Variants in XKR6 observed in about 807,000 individuals in gnomAD.
XKR6 encodes the protein XK related 6.
In XKR6, 22 loss-of-function variants were observed where a neutral mutation model predicts 56.7. The ratio of observed to expected loss-of-function variants is 0.39; its 90% CI spans 0.28 to 0.55. The LOEUF is 0.55. Among genes scored for constraint, XKR6 ranks in the 20% least tolerant of loss-of-function variants. The pLI is 0.66. For synonymous variants in XKR6, 524 were observed against 387.8 expected (o/e 1.35, Z -4.13); for missense variants, 852 against 889.0 (o/e 0.96, Z 0.53).
At chr8:10,992,120 T>C (rs1798007146) in intron 1 of XKR6, among the ~76,000 whole-genome samples, 2 of 152,192 alleles carry the variant, frequency 1.3e-5, no homozygotes, top group African/African-American at 4.8e-5. Flanking sequence ...GGGATGGAAA[T>C]CTATAAATAG....
chr8:11,155,943 C>T (rs1425030071), intron 1 of XKR6, among the ~76,000 whole-genome samples: 5 of 152,170 alleles, frequency 3.3e-5, no homozygotes, highest in Admixed American at 6.6e-5. Flanking sequence ...ATGAAGGAGG[C>T]GCCTATTCTG....
At chr8:11,027,909 C>A (rs928864891) in intron 1 of XKR6, among the ~76,000 whole-genome samples, 2 of 152,274 alleles carry the variant, frequency 1.3e-5, no homozygotes, top group African/African-American at 4.8e-5. Context: ...ATCAACATCC[C>A]ACCCCTCCAG....
intron 1 of XKR6, among the ~76,000 whole-genome samples, chr8:11,150,907 T>C (rs1368277739): frequency 6.6e-6 from 1 of 152,070 alleles, no homozygotes; most frequent in African/African-American, 2.4e-5. Context: ...AGTTATTTTT[T>C]TCTCCTCTTT....
At chr8:11,121,191 T>A (rs1194192251) in intron 1 of XKR6, among the ~76,000 whole-genome samples, 1 of 152,118 alleles carries the variant, frequency 6.6e-6, no homozygotes, top group Non-Finnish European at 1.5e-5. Context: ...ACAAATGGGA[T>A]CTGTTTAAAC....
intron 1 of XKR6, chr8:11,114,128 C>A (rs938352184): frequency 2.1e-5 from 9 of 426,880 alleles, no homozygotes; most frequent in African/African-American, 1.7e-4. Context: ...AACAAATGAG[C>A]ATGGAATGAA....
chr8:11,073,323 T>C (rs1049748440), intron 1 of XKR6, among the ~76,000 whole-genome samples: 4 of 152,128 alleles, frequency 2.6e-5, no homozygotes, highest in African/African-American at 4.8e-5. Flanking sequence ...GTCACCTATG[T>C]GCTAGGAACT....
At chr8:11,101,807 T>C (rs1338821180) in intron 1 of XKR6, among the ~76,000 whole-genome samples, 1 of 152,180 alleles carries the variant, frequency 6.6e-6, no homozygotes, top group East Asian at 1.9e-4. Context: ...TGTGGGTTTA[T>C]CTCGGCCTGG....
intron 1 of XKR6, chr8:11,129,185 G>A (rs1279430551): frequency 5.7e-6 from 2 of 352,476 alleles, no homozygotes; most frequent in South Asian, 2.2e-5. Context: ...AGAGGTGATG[G>A]TTGCTCAACA....
intron 1 of XKR6, among the ~76,000 whole-genome samples, chr8:10,968,640 G>C (rs191515046): frequency 5.3e-4 from 80 of 152,338 alleles, no homozygotes; most frequent in African/African-American, 1.9e-3. Context: ...CTTCTCCCCA[G>C]TTGTCAGCTC....
At chr8:10,923,255 G>T (rs1254648927) in intron 2 of XKR6, among the ~76,000 whole-genome samples, 1 of 152,204 alleles carries the variant, frequency 6.6e-6, no homozygotes, top group African/African-American at 2.4e-5. Context: ...CCATTCCAAG[G>T]GTCACACGGC....
intron 1 of XKR6, among the ~76,000 whole-genome samples, chr8:11,064,378 C>G (rs575343980): frequency 5.3e-5 from 8 of 152,296 alleles, no homozygotes; most frequent in African/African-American, 1.9e-4. Context: ...CCTGACTCTT[C>G]TACCCCTCGT....
intron 1 of XKR6, among the ~76,000 whole-genome samples, chr8:11,029,484 G>C (rs115522629): frequency 1.3e-5 from 2 of 152,172 alleles, no homozygotes; most frequent in African/African-American, 4.8e-5. Context: ...CTTATAAACA[G>C]AAGTGCATGA....
chr8:11,091,848 C>T (rs893096388), intron 1 of XKR6, among the ~76,000 whole-genome samples: 5 of 152,236 alleles, frequency 3.3e-5, no homozygotes, highest in African/African-American at 1.2e-4. Flanking sequence ...CTCTCATACT[C>T]ACTTTTCCTC....
chr8:11,035,733 C>T (rs767601404), intron 1 of XKR6, among the ~76,000 whole-genome samples: 2 of 152,158 alleles, frequency 1.3e-5, no homozygotes, highest in Non-Finnish European at 1.5e-5. Flanking sequence ...TCCATCATCC[C>T]TGTGAGGAGG....
At chr8:10,965,651 G>A (rs1243773265) in intron 1 of XKR6, among the ~76,000 whole-genome samples, 1 of 152,236 alleles carries the variant, frequency 6.6e-6, no homozygotes, top group African/African-American at 2.4e-5. Context: ...GGAGAATGAA[G>A]GCTTGGTGCC....
chr8:11,104,218 G>C (rs1798589565), intron 1 of XKR6, among the ~76,000 whole-genome samples: 1 of 152,216 alleles, frequency 6.6e-6, no homozygotes, highest in African/African-American at 2.4e-5. Context: ...GCAAGATCCT[G>C]GGAAATAAAA....
At chr8:11,126,566 CA>C (rs370655303) in intron 1 of XKR6, among the ~76,000 whole-genome samples, 11 of 152,230 alleles carry the variant, frequency 7.2e-5, no homozygotes, top group African/African-American at 2.4e-4. Context: ...CTTTGCAACG[CA>C]GGGCCATGTC....
intron 1 of XKR6, among the ~76,000 whole-genome samples, chr8:11,000,737 G>A (rs909258256): frequency 3.5e-4 from 54 of 152,218 alleles, no homozygotes; most frequent in African/African-American, 1.3e-3. Flanking sequence ...GGGGTCTCAT[G>A]ATTCTACACG....
intron 1 of XKR6, among the ~76,000 whole-genome samples, chr8:11,015,631 G>A (rs553704932): frequency 6.6e-4 from 101 of 152,298 alleles, no homozygotes; most frequent in African/African-American, 2.3e-3. Flanking sequence ...GCAAGAAGCG[G>A]GGCTGGCTGC....
Sources: allele counts gnomAD v4.1 joint callset (sites outside exome capture counted in the v4.1 genomes callset), GRCh38; gene constraint gnomAD v4.1.1; transcripts MANE v1.5; gene names NCBI Gene and HGNC (gene_info 2026-07-23, HGNC 2026-07-21).